The following COBLL1 variants were observed in gnomAD, a reference collection of about 807,000 sequenced individuals.
COBLL1 encodes cordon-bleu protein-like 1.
COBLL1 carries 50 observed loss-of-function variants against 94.8 expected under a neutral mutation model. The observed-to-expected ratio is 0.53, with a 90% CI of 0.42 to 0.67. The LOEUF is 0.67. Ranked by LOEUF, COBLL1 falls within the 30% of genes least tolerant of loss-of-function variation. The pLI, the probability that COBLL1 is intolerant of heterozygous loss-of-function variation, is 0.00. For missense variants in COBLL1, 1,362 were observed against 1,348.7 expected (o/e 1.01, Z -0.15); for synonymous variants, 448 against 473.8 (o/e 0.95, Z 0.71).
At chr2:164,820,822 AC>A (rs1339358272) in intron 2 of COBLL1, among the ~76,000 whole-genome samples, 2 of 152,184 alleles carry the variant, frequency 1.3e-5, no homozygotes, top group East Asian at 1.9e-4. Flanking sequence ...AAAAAGTGCA[AC>A]TGTGTGCTTT....
At chr2:164,704,562 A>C (rs1283016641) in intron 8 of COBLL1, 44 bp from the exon 9 acceptor site, 1 of 1,440,430 alleles carries the variant, frequency 6.9e-7, no homozygotes, top group Admixed American at 1.7e-5. Flanking sequence ...ATATTCACAA[A>C]TAAAACAATT....
rs545767949 is a variant in COBLL1, at chr2:164,685,511, C to G, written c.*435G>C. ...CAGCCCAAAACAGGCTTTCATATAA[C>G]TTATAAATATTTCCAATTGCTACAC... On this transcript the variant is annotated 3_prime_UTR_variant, in exon 14 of 14. Transcript: ENST00000652658. 6.5e-6 allele frequency: 1 copy of G among 152,858 alleles called. No individual in the cohort carries two copies. The highest frequency in any genetic ancestry group is 1.9e-4 in the East Asian group (1 of 5,178). 9.5% of individuals were successfully genotyped at this position (152,858 alleles called of 1,614,324 possible). A position where few individuals can be genotyped will look rare whatever the true frequency, so the allele number is the denominator to read the frequency against.
intron 3 of COBLL1, among the ~76,000 whole-genome samples, chr2:164,733,118 C>G (rs1686108128): frequency 6.6e-6 from 1 of 152,104 alleles, no homozygotes; most frequent in South Asian, 2.1e-4. Context: ...GTTTTTATCC[C>G]TATTTTTGTG....
intron 2 of COBLL1, among the ~76,000 whole-genome samples, chr2:164,833,740 G>A (rs1265248678): frequency 6.6e-6 from 1 of 152,084 alleles, no homozygotes; most frequent in African/African-American, 2.4e-5. Flanking sequence ...GTAAGCCACC[G>A]CGCCAGGCCG....
chr2:164,792,028 A>G (rs559540247), intron 2 of COBLL1, among the ~76,000 whole-genome samples: 20 of 152,244 alleles, frequency 1.3e-4, no homozygotes, highest in Admixed American at 3.9e-4. Flanking sequence ...TGGTAAACAC[A>G]TAAGAGATGC....
chr2:164,663,367 G>C (rs1283717679), intron 2 of COBLL1, among the ~76,000 whole-genome samples: 1 of 152,050 alleles, frequency 6.6e-6, no homozygotes, highest in African/African-American at 2.4e-5. Flanking sequence ...GTTCACTGTT[G>C]GTAGGAATGT....
intron 2 of COBLL1, among the ~76,000 whole-genome samples, chr2:164,767,550 G>A (rs1687994147): frequency 6.6e-6 from 1 of 152,078 alleles, no homozygotes; most frequent in Non-Finnish European, 1.5e-5. Flanking sequence ...CCACTGATGG[G>A]ATTTTCATCC....
At chr2:164,776,138 C>T (rs1268146329) in intron 2 of COBLL1, among the ~76,000 whole-genome samples, 1 of 151,864 alleles carries the variant, frequency 6.6e-6, no homozygotes, top group African/African-American at 2.4e-5. Flanking sequence ...CTGACAGTCT[C>T]CCTGCCTCTG....
At chr2:164,803,925 G>A (rs1460000876) in intron 2 of COBLL1, among the ~76,000 whole-genome samples, 1 of 151,996 alleles carries the variant, frequency 6.6e-6, no homozygotes, top group Non-Finnish European at 1.5e-5. Flanking sequence ...CTTGAAGGAA[G>A]TGAGGGCTCA....
chr2:164,809,981 C>A (rs895506370), intron 2 of COBLL1, among the ~76,000 whole-genome samples: 12 of 151,784 alleles, frequency 7.9e-5, no homozygotes, highest in African/African-American at 2.9e-4. Flanking sequence ...CATCTATCTT[C>A]TTTTACTTTG....
intron 3 of COBLL1, among the ~76,000 whole-genome samples, chr2:164,737,998 C>T (rs1417794663): frequency 6.6e-6 from 1 of 152,158 alleles, no homozygotes; most frequent in Middle Eastern, 3.2e-3. Flanking sequence ...GATCACACAG[C>T]AAGTCTAGAA....
intron 2 of COBLL1, among the ~76,000 whole-genome samples, chr2:164,785,784 AAG>A (rs1688926411): frequency 6.6e-6 from 1 of 152,136 alleles, no homozygotes; most frequent in African/African-American, 2.4e-5. Context: ...GAAAGAAAGA[AAG>A]AAAAAAAAAA....
chr2:164,765,469 C>T (rs1211858963), intron 2 of COBLL1, among the ~76,000 whole-genome samples: 2 of 152,026 alleles, frequency 1.3e-5, no homozygotes. Context: ...ATGTTAGATA[C>T]GCTAATGCCA....
chr2:164,712,606 T>C (rs541589959), intron 7 of COBLL1, among the ~76,000 whole-genome samples: 1 of 152,082 alleles, frequency 6.6e-6, no homozygotes, highest in Non-Finnish European at 1.5e-5. Flanking sequence ...CTCTTAACTC[T>C]TGATGGAAGA....
intron 2 of COBLL1, among the ~76,000 whole-genome samples, chr2:164,658,329 G>T (rs751921466): frequency 3.3e-5 from 5 of 152,122 alleles, no homozygotes; most frequent in Non-Finnish European, 7.3e-5. Flanking sequence ...TTGAACTGGG[G>T]CATAGTAGGG....
At chr2:164,782,547 CT>C (rs1204119743) in intron 2 of COBLL1, among the ~76,000 whole-genome samples, 1 of 152,088 alleles carries the variant, frequency 6.6e-6, no homozygotes. Flanking sequence ...GGAGGGACTG[CT>C]TTATGAGTAC....
At chr2:164,786,349 G>A (rs1373096088) in intron 2 of COBLL1, among the ~76,000 whole-genome samples, 1 of 152,148 alleles carries the variant, frequency 6.6e-6, no homozygotes, top group Non-Finnish European at 1.5e-5. Context: ...TAAAAGTCAT[G>A]CCAAATAAAA....
intron 3 of COBLL1, among the ~76,000 whole-genome samples, chr2:164,732,128 G>T (rs1185027464): frequency 6.6e-6 from 1 of 151,926 alleles, no homozygotes; most frequent in African/African-American, 2.4e-5. Flanking sequence ...CATACAAGTA[G>T]CACCCTATTA....
At position 164,665,102 on chromosome 2, in the gene COBLL1, G is replaced by A. The variant is rs1235879475; in HGVS notation, n.181+745C>T. ...TCCCAGAACTTTGGGAGGCCAAGGC[G>A]AGCAGATCACTTGAGGTCAGGAGTT... On this transcript the variant is annotated intron_variant and non_coding_transcript_variant, in intron 2 of 2. Coordinates refer to the COBLL1 transcript ENST00000495084. Among the ~76,000 whole-genome samples the A allele has an allele frequency of 5.9e-5, 9 of 152,128 alleles. 1 individual carries two copies. The highest frequency in any genetic ancestry group is 1.3e-4 in the Admixed American group (2 of 15,276).
Sources: allele counts gnomAD v4.1 joint callset (sites outside exome capture counted in the v4.1 genomes callset), GRCh38; gene constraint gnomAD v4.1.1; transcripts MANE v1.5; gene names NCBI Gene and HGNC (gene_info 2026-07-23, HGNC 2026-07-21).